Variants in LSS observed in about 807,000 individuals in gnomAD.
LSS encodes the protein 2,3-epoxysqualene-lanosterol cyclase.
A neutral mutation model predicts 110.3 loss-of-function variants in LSS; 90 were observed. That is an observed-to-expected ratio of 0.82 (90% CI 0.69 to 0.97). The LOEUF is 0.97. LSS is among the 50% of genes least tolerant of loss of function. The pLI, the probability that LSS is intolerant of heterozygous loss-of-function variation, is 0.00. For missense variants in LSS, 927 were observed against 990.0 expected (o/e 0.94, Z 0.85); for synonymous variants, 433 against 400.0 (o/e 1.08, Z -0.98).
Position 46,215,276 on chromosome 21 carries a change from G to C in LSS, c.915C>G (p.His305Gln), listed in dbSNP as rs1569031250. The C allele has an allele frequency of 1.2e-6, 2 of 1,610,044 alleles. No homozygotes were observed. Among genetic ancestry groups the C allele is most frequent in the Non-Finnish European group, 1.7e-6 (2 of 1,179,728 alleles). The change falls in exon 9 of 22, where the codon CAC becomes CAG. Residue 305 changes from histidine (H) to glutamine (Q), a missense_variant. Coordinates refer to ENST00000397728, the MANE Select transcript of LSS (RefSeq NM_002340.6). ...VVYALLNLYEHHHSAHLRQRA... is the reference protein window; with the variant it reads ...VVYALLNLYEQHHSAHLRQRA... Reference sequence around the variant, plus strand: ...GCTGCCGCAGGTGGGCACTGTGGTGGTGCTCATACAGGTTGAGGAGCGCTA... The same window carrying C: ...GCTGCCGCAGGTGGGCACTGTGGTGCTGCTCATACAGGTTGAGGAGCGCTA...
chr21:46,222,779 T>C, intron 3 of LSS, 41 bp from the exon 4 acceptor site: 1 of 1,477,918 alleles, frequency 6.8e-7, no homozygotes, highest in Non-Finnish European at 9.4e-7. Context: ...GGACAGGTGG[T>C]CATGACTGCT....
intron 5 of LSS, among the ~76,000 whole-genome samples, chr21:46,220,826 A>T (rs1255570558): frequency 6.8e-6 from 1 of 147,632 alleles, no homozygotes; most frequent in African/African-American, 2.5e-5. Context: ...TGGGGCTTGG[A>T]GAGGTGGACA....
rs760136680 is a variant in LSS at position 46,228,737 on chromosome 21, C to T, written c.9G>A (p.Glu3=). 6.2e-7 allele frequency: 1 copy of T among 1,600,968 alleles called. No homozygotes were observed. The highest frequency in any genetic ancestry group is 1.7e-5 in the Admixed American group (1 of 59,868). The change falls in exon 1 of 22, where the codon GAG becomes GAA. Residue 3 remains glutamate (E), a synonymous_variant. Transcript: ENST00000397728. ...CCCGGGGCGAGGGGACTCACGTGCC[C>T]TCCGTCATTGCTGCTGCAGTGCTCT... The part of the protein sequence containing the change: MT[E]GTCLRRRGGP...
At chr21:46,207,311 G>A in intron 15 of LSS, 117 bp downstream of exon 15, 1 of 1,280,368 alleles carries the variant, frequency 7.8e-7, no homozygotes, top group Non-Finnish European at 1.1e-6. Flanking sequence ...CCAAGGACAA[G>A]CTCCTACGGC....
chr21:46,206,960 A>C (rs923456403), intron 15 of LSS, among the ~76,000 whole-genome samples, 192 bp from the exon 16 acceptor site: 1 of 152,184 alleles, frequency 6.6e-6, no homozygotes, highest in Admixed American at 6.5e-5. Flanking sequence ...CTCATCTGTC[A>C]GGGCCTCCAT....
Position 46,190,912 on chromosome 21 carries a change from T to G in LSS, c.*192A>C, listed in dbSNP as rs756395258. The G allele has an allele frequency of 1.7e-6, 1 of 591,352 alleles. No individual in the cohort carries two copies. The highest frequency in any genetic ancestry group is 2.8e-6 in the Non-Finnish European group (1 of 352,784). 36.6% of individuals were successfully genotyped at this position (591,352 alleles called of 1,614,324 possible). ...GCTACTTTCAGAAATGAACCTACAGTAAAAATCAAGAGTCTAAGCCACCCA... is the reference window on the plus strand; with the variant it reads ...GCTACTTTCAGAAATGAACCTACAGGAAAAATCAAGAGTCTAAGCCACCCA... On this transcript the variant is annotated 3_prime_UTR_variant, in exon 22 of 22. Coordinates refer to ENST00000397728, the MANE Select transcript of LSS (RefSeq NM_002340.6). The surrounding 1 kb of genome is among the most constrained non-coding windows in gnomAD (Gnocchi z 4.6).
chr21:46,195,538 G>C (rs2123698026), intron 19 of LSS, 138 bp downstream of exon 19: 2 of 823,210 alleles, frequency 2.4e-6, no homozygotes, highest in East Asian at 5.0e-5. Context: ...TGTCAGCCCG[G>C]TTGACAGAGC....
chr21:46,203,733 C>T (rs917126139), intron 17 of LSS, among the ~76,000 whole-genome samples: 5 of 152,196 alleles, frequency 3.3e-5, no homozygotes, highest in African/African-American at 9.6e-5. Context: ...ACAAGAAAAC[C>T]CCTGCTCCAT....
chr21:46,227,770 C>T lies in LSS; in HGVS notation c.181-80G>A, dbSNP rs1003670782. Reference sequence around the variant, plus strand: ...CCAGAGGAACCCTCTTCACATACAGCCCAAGTCAAAACAGTGAATGTAAAT... The same window carrying T: ...CCAGAGGAACCCTCTTCACATACAGTCCAAGTCAAAACAGTGAATGTAAAT... On this transcript the variant is annotated intron_variant, in intron 2 of 21. Transcript: ENST00000397728. The T allele has an allele frequency of 1.4e-5, 21 of 1,502,632 alleles. 1 individual carries two copies. In the East Asian group the frequency reaches 3.6e-4, roughly 26 times the overall value. 93.1% of individuals were successfully genotyped at this position (1,502,632 alleles called of 1,614,324 possible). A position where few individuals can be genotyped will look rare whatever the true frequency, so the allele number is the denominator to read the frequency against.
chr21:46,194,287 C>T (rs1012412408), intron 20 of LSS, among the ~76,000 whole-genome samples: 1 of 152,194 alleles, frequency 6.6e-6, no homozygotes, highest in Non-Finnish European at 1.5e-5. Context: ...CTCTGCAGGG[C>T]CCCACTTGGT....
chr21:46,205,751 C>G, intron 17 of LSS, 85 bp downstream of exon 17: 1 of 1,074,032 alleles, frequency 9.3e-7, no homozygotes, highest in Non-Finnish European at 1.4e-6. Flanking sequence ...AGATGGGCCA[C>G]CAGGGCCGTG....
chr21:46,192,161 C>T (rs558902594), intron 20 of LSS: 51 of 616,632 alleles, frequency 8.3e-5, no homozygotes, highest in Middle Eastern at 7.9e-4. Flanking sequence ...CCCTGAGAAG[C>T]GGAGCCACAG....
At chr21:46,197,147 C>T (rs2079920374) in intron 17 of LSS, among the ~76,000 whole-genome samples, 1 of 152,204 alleles carries the variant, frequency 6.6e-6, no homozygotes, top group African/African-American at 2.4e-5. Flanking sequence ...AATATTGTTA[C>T]TCGGCAACAG....
chr21:46,212,895 G>T, intron 11 of LSS, 130 bp downstream of exon 11: 1 of 1,113,894 alleles, frequency 9.0e-7, no homozygotes, highest in South Asian at 1.3e-5. Flanking sequence ...GGCCTCAACT[G>T]ACTCAGCCTC....
intron 6 of LSS, among the ~76,000 whole-genome samples, chr21:46,219,044 A>T (rs1332159869): frequency 6.6e-6 from 1 of 152,154 alleles, no homozygotes; most frequent in African/African-American, 2.4e-5. Context: ...GATCTTTTAA[A>T]GGCACACACG....
At position 46,208,373 on chromosome 21, in the gene LSS, C is replaced by T. The variant is rs2080081967; in HGVS notation, c.1267-72G>A. 3 of 1,291,572 alleles carry T rather than the reference C, an allele frequency of 2.3e-6. No homozygotes were observed. In the African/African-American group the frequency reaches 4.4e-5, roughly 19 times the overall value. 80.0% of individuals were successfully genotyped at this position (1,291,572 alleles called of 1,614,324 possible). A position where few individuals can be genotyped will look rare whatever the true frequency, so the allele number is the denominator to read the frequency against. ...CGGGACGTCCCCATCTGGGACATCG[C>T]TGAGACAGACTGGGCAGGACTGGAG... On this transcript the variant is annotated intron_variant, in intron 13 of 21. Coordinates refer to ENST00000397728, the MANE Select transcript of LSS (RefSeq NM_002340.6).
chr21:46,215,640 A>G, intron 8 of LSS, 45 bp downstream of exon 8: 2 of 1,375,960 alleles, frequency 1.5e-6, no homozygotes, highest in Non-Finnish European at 2.0e-6. Context: ...CGACACCCTG[A>G]CCCTGACCCT....
chr21:46,208,734 G>A (rs1040388986), intron 13 of LSS, among the ~76,000 whole-genome samples: 4 of 152,146 alleles, frequency 2.6e-5, no homozygotes, highest in African/African-American at 9.7e-5. Context: ...GGTTCAGTCA[G>A]CCTCCCCAAG....
intron 17 of LSS, among the ~76,000 whole-genome samples, chr21:46,197,400 T>C (rs1198955790): frequency 6.6e-6 from 1 of 151,910 alleles, no homozygotes; most frequent in Non-Finnish European, 1.5e-5. Flanking sequence ...GAAAAAAAAC[T>C]CTAGGCCTAG....
Sources: allele counts gnomAD v4.1 joint callset (sites outside exome capture counted in the v4.1 genomes callset), GRCh38; gene constraint gnomAD v4.1.1; non-coding constraint Gnocchi (gnomAD v3.1); transcripts MANE v1.5; gene names NCBI Gene and HGNC (gene_info 2026-07-23, HGNC 2026-07-21).